Variants in ARHGEF12 observed in about 807,000 individuals in gnomAD.
The protein encoded by ARHGEF12 is Rho guanine nucleotide exchange factor 12, also known as KMT2A/ARHGEF12 fusion protein.
In ARHGEF12, 66 loss-of-function variants were observed where a neutral mutation model predicts 211.2. That is an observed-to-expected ratio of 0.31 (90% CI 0.26 to 0.38). The LOEUF is 0.38. Among genes scored for constraint, ARHGEF12 ranks in the 10% least tolerant of loss-of-function variants. ARHGEF12 has a pLI of 1.00. For missense variants in ARHGEF12, 1,429 were observed against 1,869.5 expected (o/e 0.76, Z 4.34); for synonymous variants, 592 against 638.4 (o/e 0.93, Z 1.09).
chr11:120,337,474 A>G, intron 1 of ARHGEF12, 199 bp downstream of exon 1: 1 of 985,350 alleles, frequency 1.0e-6, no homozygotes, highest in South Asian at 4.7e-5. Flanking sequence ...TTTTCCGGAG[A>G]GAAACTTCCC....
At position 120,488,062 on chromosome 11, in the gene ARHGEF12, AGTT is replaced by A. The variant is rs369132658; in HGVS notation, c.*3001_*3003del. 4.0e-3 allele frequency: 885 copies of A among 219,832 alleles called. 5 individuals are homozygous for A. The highest frequency in any genetic ancestry group is 0.015 in the African/African-American group (650 of 44,656). 13.6% of individuals were successfully genotyped at this position (219,832 alleles called of 1,614,324 possible). ...TGAAGGATGAATCCCCTTTTTAAAA[AGTT>A]GTTGTTGTTGTTGTTTATTTGATTT... On this transcript the variant is annotated 3_prime_UTR_variant, in exon 41 of 41. Coordinates refer to ENST00000397843, the MANE Select transcript of ARHGEF12 (RefSeq NM_015313.3).
intron 1 of ARHGEF12, among the ~76,000 whole-genome samples, chr11:120,354,172 C>T (rs1267862033): frequency 6.6e-6 from 1 of 152,132 alleles, no homozygotes; most frequent in Non-Finnish European, 1.5e-5. Flanking sequence ...TCACTATTCT[C>T]AAGAGCTGGG....
chr11:120,424,289 T>C (rs1945279028), intron 6 of ARHGEF12, 69 bp from the exon 7 acceptor site: 1 of 1,075,478 alleles, frequency 9.3e-7, no homozygotes, highest in East Asian at 2.4e-5. Context: ...GTATGATAAT[T>C]CTTGAAGTCA....
intron 1 of ARHGEF12, among the ~76,000 whole-genome samples, chr11:120,375,121 T>C (rs1235486958): frequency 2.0e-5 from 3 of 152,206 alleles, no homozygotes; most frequent in Non-Finnish European, 4.4e-5. Context: ...TGACCCTCTC[T>C]TTTTCTGCCC....
chr11:120,419,241 C>T (rs1167744209), intron 4 of ARHGEF12, among the ~76,000 whole-genome samples: 5 of 149,762 alleles, frequency 3.3e-5, no homozygotes, highest in Middle Eastern at 3.4e-3. Flanking sequence ...ATTACAGGCC[C>T]GGCCTGCCTT....
intron 1 of ARHGEF12, among the ~76,000 whole-genome samples, chr11:120,384,116 G>A (rs1257433438): frequency 6.6e-6 from 1 of 152,142 alleles, no homozygotes; most frequent in African/African-American, 2.4e-5. Flanking sequence ...ACAGTCAGTA[G>A]CCTAGTCTGA....
At chr11:120,426,653 A>G (rs1945353513) in intron 7 of ARHGEF12, among the ~76,000 whole-genome samples, 1 of 152,232 alleles carries the variant, frequency 6.6e-6, no homozygotes, top group Admixed American at 6.5e-5. Flanking sequence ...GAAAGTGTTT[A>G]TATGTAAAAT....
chr11:120,433,381 T>G (rs1255142276), intron 11 of ARHGEF12, among the ~76,000 whole-genome samples: 1 of 152,192 alleles, frequency 6.6e-6, no homozygotes, highest in African/African-American at 2.4e-5. Context: ...ATAAAGGGCT[T>G]CAACTTGTTC....
intron 23 of ARHGEF12, 145 bp from the exon 24 acceptor site, chr11:120,457,576 A>G (rs987148128): frequency 1.8e-6 from 1 of 569,532 alleles, no homozygotes; most frequent in Non-Finnish European, 2.8e-6. Context: ...AATTTTCTTC[A>G]ATTTATTTTA....
intron 4 of ARHGEF12, among the ~76,000 whole-genome samples, chr11:120,414,191 A>G (rs1185323339): frequency 3.9e-5 from 6 of 152,240 alleles, no homozygotes; most frequent in Non-Finnish European, 7.3e-5. Context: ...CACTGATGAG[A>G]TGAAGCATGA....
rs1323273529 is a variant in ARHGEF12, at chr11:120,425,339, G to GT, written c.406+940dup. 2.4e-3 allele frequency among the ~76,000 whole-genome samples: 335 copies of GT among 142,184 alleles called. 1 individual carries two copies. The highest frequency in any genetic ancestry group is 5.8e-3 in the South Asian group (26 of 4,478). 93.3% of individuals were successfully genotyped at this position (142,184 alleles called of 152,430 possible). A position where few individuals can be genotyped will look rare whatever the true frequency, so the allele number is the denominator to read the frequency against. On this transcript the variant is annotated intron_variant, in intron 7 of 40. Coordinates refer to ENST00000397843, the MANE Select transcript of ARHGEF12 (RefSeq NM_015313.3). ...CCAAGAGAGATTTTATGTTTTCTTG[G>GT]TTTTTTTTTTTTTTTTGTTTGTTTG...
intron 15 of ARHGEF12, among the ~76,000 whole-genome samples, chr11:120,442,447 C>A (rs1304885788): frequency 7.0e-6 from 1 of 141,928 alleles, no homozygotes. Context: ...CACACACACA[C>A]ACACACACAT....
intron 1 of ARHGEF12, among the ~76,000 whole-genome samples, chr11:120,398,008 G>C (rs1207611080): frequency 6.6e-6 from 1 of 152,076 alleles, no homozygotes; most frequent in Non-Finnish European, 1.5e-5. Flanking sequence ...AAGTTTATAC[G>C]TGTACTTCTT....
At chr11:120,450,396 T>C (rs1005700948) in intron 21 of ARHGEF12, 1 of 122,710 alleles carries the variant, frequency 8.1e-6, no homozygotes, top group East Asian at 2.7e-4. Flanking sequence ...AAAAAAAAGA[T>C]ATTGGCATGG....
At chr11:120,477,763 G>A (rs1947093674) in intron 36 of ARHGEF12, 3 of 411,178 alleles carry the variant, frequency 7.3e-6, no homozygotes, top group Non-Finnish European at 1.3e-5. Flanking sequence ...CTACTTGGGA[G>A]GCTGAGGCAG....
chr11:120,394,831 G>A (rs1169992068), intron 1 of ARHGEF12, among the ~76,000 whole-genome samples: 2 of 151,844 alleles, frequency 1.3e-5, no homozygotes, highest in Non-Finnish European at 2.9e-5. Flanking sequence ...GCCGAGGTGG[G>A]CAGATCACTT....
intron 21 of ARHGEF12, 55 bp from the exon 22 acceptor site, chr11:120,451,457 T>C: frequency 6.4e-7 from 1 of 1,573,904 alleles, no homozygotes; most frequent in Non-Finnish European, 8.7e-7. Context: ...GATTATAGGC[T>C]TGAGCCACCG....
chr11:120,451,239 C>T (rs559430375), intron 21 of ARHGEF12: 9 of 288,778 alleles, frequency 3.1e-5, no homozygotes, highest in Admixed American at 1.4e-4. Context: ...AGTGCAGTGG[C>T]GCAATTTCGG....
intron 1 of ARHGEF12, among the ~76,000 whole-genome samples, chr11:120,396,879 A>G (rs1282188924): frequency 1.3e-5 from 2 of 152,216 alleles, no homozygotes; most frequent in East Asian, 1.9e-4. Flanking sequence ...TTCAACCTGC[A>G]ACAAATATAA....
Sources: gnomAD v4.1 joint callset for allele counts (sites outside exome capture counted in the v4.1 genomes callset) on GRCh38, gnomAD v4.1.1 for gene constraint, MANE v1.5 for transcripts, NCBI Gene and HGNC (gene_info 2026-07-23, HGNC 2026-07-21) for gene names.